The following ANO2 variants were observed in gnomAD, a reference collection of about 807,000 sequenced individuals.
ANO2 encodes anoctamin 2, also known as anoctamin-2.
A neutral mutation model predicts 124.2 loss-of-function variants in ANO2; 101 were observed. That is an observed-to-expected ratio of 0.81 (90% CI 0.69 to 0.96). The LOEUF (loss-of-function observed/expected upper bound fraction) is 0.96. Among genes scored for constraint, ANO2 ranks in the 40% least tolerant of loss-of-function variants. ANO2 has a pLI of 0.00. For synonymous variants in ANO2, 486 were observed against 482.5 expected (o/e 1.01, Z -0.09); for missense variants, 1,293 against 1,274.5 (o/e 1.01, Z -0.22).
chr12:5,599,008 T>C (rs781414006), intron 20 of ANO2, among the ~76,000 whole-genome samples: 1 of 152,238 alleles, frequency 6.6e-6, no homozygotes, highest in Non-Finnish European at 1.5e-5. Flanking sequence ...CCTTATCTGA[T>C]CAAAGTAGGG....
At position 5,585,453 on chromosome 12, in the gene ANO2, T is replaced by G. The variant is rs1039499005; in HGVS notation, c.2234-6935A>C. Among the ~76,000 whole-genome samples, 6 of 152,308 alleles carry G rather than the reference T, an allele frequency of 3.9e-5. No homozygotes were observed. The East Asian group carries it at 5.8e-4, about 15-fold the overall frequency. On this transcript the variant is annotated intron_variant, in intron 20 of 24. Coordinates refer to ENST00000682330, the MANE Select transcript of ANO2 (RefSeq NM_001364791.2). ...CTGGGACAGATCAGTAAGGCACATT[T>G]GGCTCCGAGTTTTCTTCATTTCTTT...
At chr12:5,569,257 G>A (rs1056835548) in intron 23 of ANO2, among the ~76,000 whole-genome samples, 4 of 152,174 alleles carry the variant, frequency 2.6e-5, no homozygotes, top group Non-Finnish European at 4.4e-5. Flanking sequence ...CAACAGACCC[G>A]TTCCCATGGC....
intron 14 of ANO2, among the ~76,000 whole-genome samples, chr12:5,729,616 A>G (rs1013919238): frequency 6.6e-6 from 1 of 152,192 alleles, no homozygotes; most frequent in South Asian, 2.1e-4. Context: ...TTAAAATGTT[A>G]AACATAGAGT....
Position 5,636,863 on chromosome 12 carries a change from C to T in ANO2, c.1621-1516G>A, listed in dbSNP as rs889365468. ...GTACCTGGGGTGTGCTGGTGGCAGA[C>T]TCAGCTCTTTATCCTGGTAGGCTTC... is the stretch of plus-strand genomic sequence containing the variant. On this transcript the variant is annotated intron_variant, in intron 15 of 24. Coordinates refer to ENST00000682330, the MANE Select transcript of ANO2 (RefSeq NM_001364791.2). The surrounding 1 kb of genome is among the most constrained non-coding windows in gnomAD (Gnocchi z 4.6). Among the ~76,000 whole-genome samples the T allele has an allele frequency of 3.3e-5, 5 of 152,172 alleles. No individual in the cohort carries two copies. In the East Asian group the frequency reaches 9.7e-4, roughly 29 times the overall value.
chr12:5,779,356 C>T (rs1402169413), intron 10 of ANO2, among the ~76,000 whole-genome samples: 1 of 152,210 alleles, frequency 6.6e-6, no homozygotes, highest in Non-Finnish European at 1.5e-5. Context: ...CTTCTCCATT[C>T]TCAATTTAAA....
intron 14 of ANO2, among the ~76,000 whole-genome samples, chr12:5,706,934 G>A (rs185645287): frequency 2.0e-5 from 3 of 152,286 alleles, no homozygotes; most frequent in East Asian, 3.9e-4. Context: ...TTGTAAGACC[G>A]GGATTCTACT....
chr12:5,584,722 T>A lies in ANO2; in HGVS notation c.2234-6204A>T, dbSNP rs117935474. On this transcript the variant is annotated intron_variant, in intron 20 of 24. Transcript: ENST00000682330. ...TGACAACGTCTGGCATAAAAAGAAT[T>A]GCAAGTGTCGATTGTACACATAAAT... Among the ~76,000 whole-genome samples, 24 of 152,286 alleles carry A rather than the reference T, an allele frequency of 1.6e-4. No homozygotes were observed. The East Asian group carries it at 4.6e-3, about 29-fold the overall frequency.
chr12:5,621,570 G>T (rs539087141), intron 16 of ANO2, among the ~76,000 whole-genome samples: 1 of 152,206 alleles, frequency 6.6e-6, no homozygotes, highest in African/African-American at 2.4e-5. Flanking sequence ...TGACAGGTGC[G>T]GGGAGGGCCC....
intron 3 of ANO2, among the ~76,000 whole-genome samples, chr12:5,903,656 TG>T (rs1940469727): frequency 1.3e-5 from 2 of 151,364 alleles, no homozygotes; most frequent in Non-Finnish European, 2.9e-5. Flanking sequence ...GATGTGTGTG[TG>T]TGTGTGTGTG....
At chr12:5,761,246 G>C (rs1022277275) in intron 10 of ANO2, among the ~76,000 whole-genome samples, 2 of 151,794 alleles carry the variant, frequency 1.3e-5, no homozygotes, top group African/African-American at 2.4e-5. Flanking sequence ...AATATCTAAG[G>C]AGTTAACTAA....
intron 14 of ANO2, among the ~76,000 whole-genome samples, chr12:5,719,529 A>G (rs1355649280): frequency 6.6e-6 from 1 of 152,088 alleles, no homozygotes; most frequent in Non-Finnish European, 1.5e-5. Flanking sequence ...ATCTGAAAAA[A>G]GAAGGAAGCA....
chr12:5,659,878 G>A (rs924414220), intron 14 of ANO2, among the ~76,000 whole-genome samples: 7 of 152,086 alleles, frequency 4.6e-5, no homozygotes, highest in Admixed American at 2.6e-4. Flanking sequence ...GATTGGAGAC[G>A]CCTCTCCCCA....
At chr12:5,750,496 A>G (rs1951400979) in intron 11 of ANO2, among the ~76,000 whole-genome samples, 1 of 152,238 alleles carries the variant, frequency 6.6e-6, no homozygotes, top group Admixed American at 6.5e-5. Context: ...CAGAGGTAAA[A>G]GAAGTGATGA....
intron 14 of ANO2, among the ~76,000 whole-genome samples, chr12:5,695,657 A>G (rs963852559): frequency 1.3e-5 from 2 of 152,114 alleles, no homozygotes; most frequent in African/African-American, 4.8e-5. Flanking sequence ...CCTGGCCTAC[A>G]TGGCAAAACC....
Position 5,750,871 on chromosome 12 carries a change from A to G in ANO2, c.1155T>C (p.Leu385=). The G allele has an allele frequency of 1.9e-6, 3 of 1,613,080 alleles. 1 individual carries two copies. In the South Asian group the frequency reaches 3.3e-5, roughly 18 times the overall value. The change falls in exon 11 of 25, where the codon CTT becomes CTC. Residue 385 remains leucine (L), a synonymous_variant. Transcript: ENST00000682330. ...PSSVIGVIVF[L]YGCATIEEDI... The stretch of plus-strand genomic sequence containing the variant: ...CTTCTTCAATTGTTGCACATCCATA[A>G]AGAAACACAATCACTCCAATTACAG...
chr12:5,870,214 C>G (rs937498611), intron 3 of ANO2: 4 of 152,208 alleles, frequency 2.6e-5, no homozygotes, highest in African/African-American at 9.7e-5. Context: ...TCATTACACC[C>G]CAAGCCAACA....
intron 20 of ANO2, among the ~76,000 whole-genome samples, chr12:5,592,589 G>A (rs1348841579): frequency 6.6e-6 from 1 of 152,162 alleles, no homozygotes; most frequent in African/African-American, 2.4e-5. Flanking sequence ...TAGCGTTGAA[G>A]GATTTTAAGT....
chr12:5,863,564 T>C (rs1955338492), intron 3 of ANO2, among the ~76,000 whole-genome samples: 1 of 152,160 alleles, frequency 6.6e-6, no homozygotes, highest in South Asian at 2.1e-4. Context: ...GAGAGAAGGA[T>C]AGACTTTACA....
At chr12:5,600,945 G>A (rs1375117391) in intron 19 of ANO2, among the ~76,000 whole-genome samples, 1 of 152,162 alleles carries the variant, frequency 6.6e-6, no homozygotes, top group Non-Finnish European at 1.5e-5. Flanking sequence ...GCCTCTAACA[G>A]CTAATGAAAA....
Sources: gnomAD v4.1 joint callset for allele counts (sites outside exome capture counted in the v4.1 genomes callset) on GRCh38, gnomAD v4.1.1 for gene constraint, Gnocchi (gnomAD v3.1) non-coding constraint, MANE v1.5 for transcripts, NCBI Gene and HGNC (gene_info 2026-07-23, HGNC 2026-07-21) for gene names.